The following ANO5 variants were observed in gnomAD, a reference collection of about 807,000 sequenced individuals.
ANO5 encodes anoctamin 5.
In ANO5, 109 loss-of-function variants were observed where a neutral mutation model predicts 121.0. The ratio of observed to expected loss-of-function variants is 0.90; its 90% CI spans 0.77 to 1.06. The LOEUF is 1.06. Among genes scored for constraint, ANO5 ranks in the 50% least tolerant of loss-of-function variants. The probability of loss-of-function intolerance (pLI) is 0.00; values close to 1 mark genes in which losing one functional copy is unlikely to be tolerated. For synonymous variants in ANO5, 406 were observed against 359.9 expected (o/e 1.13, Z -1.45); for missense variants, 1,064 against 1,078.5 (o/e 0.99, Z 0.19).
chr11:22,244,955 A>G (rs1853569710), intron 9 of ANO5, among the ~76,000 whole-genome samples: 1 of 152,112 alleles, frequency 6.6e-6, no homozygotes, highest in Non-Finnish European at 1.5e-5. Context: ...TTGAATTTCC[A>G]GAGTTCTTGC....
At chr11:22,202,485 C>A (rs1851995061) in intron 1 of ANO5, among the ~76,000 whole-genome samples, 1 of 151,826 alleles carries the variant, frequency 6.6e-6, no homozygotes, top group Non-Finnish European at 1.5e-5. Flanking sequence ...TATACAATTG[C>A]TTTATTTTAT....
At chr11:22,193,570 C>A in intron 1 of ANO5, 38 bp downstream of exon 1, 1 of 1,603,446 alleles carries the variant, frequency 6.2e-7, no homozygotes, top group Non-Finnish European at 8.5e-7. Context: ...GAGAGCCAGG[C>A]TGGCTGCCTG....
chr11:22,213,082 A>G (rs1852332000), intron 3 of ANO5, among the ~76,000 whole-genome samples: 1 of 151,368 alleles, frequency 6.6e-6, no homozygotes, highest in South Asian at 2.1e-4. Context: ...ATTTTATTAT[A>G]AATCTATTTA....
At chr11:22,214,578 C>T (rs1032630160) in intron 3 of ANO5, among the ~76,000 whole-genome samples, 4 of 151,884 alleles carry the variant, frequency 2.6e-5, no homozygotes, top group Non-Finnish European at 5.9e-5. Flanking sequence ...GTAAGGAGAA[C>T]TTACTGGAAC....
chr11:22,273,040 G>A, intron 19 of ANO5, 51 bp downstream of exon 19: 1 of 1,509,714 alleles, frequency 6.6e-7, no homozygotes. Context: ...TTTGGGGGGT[G>A]TGGGGAGATG....
At position 22,236,276 on chromosome 11, in the gene ANO5, T is replaced by G; in HGVS notation, c.762T>G (p.Asp254Glu). ...NTYSSAYPLH[D>E]GQYWKPSEPP... ...ACTCATCTGCCTATCCACTCCATGA[T>G]GTATGTATAGGTTTGATTGTGAAAA... The change falls in exon 8 of 22, where the codon GAT becomes GAG. Residue 254 changes from aspartate (D) to glutamate (E), a missense_variant and splice_region_variant. Physicochemically the swap from Asp to Glu is conservative, Grantham distance 45 (BLOSUM62 2). Coordinates refer to ENST00000324559, the MANE Select transcript of ANO5 (RefSeq NM_213599.3). 1.9e-6 allele frequency: 3 copies of G among 1,600,142 alleles called. No individual in the cohort carries two copies. The highest frequency in any genetic ancestry group is 2.6e-6 in the Non-Finnish European group (3 of 1,167,684).
At chr11:22,271,001 A>G (rs1456383397) in intron 18 of ANO5, among the ~76,000 whole-genome samples, 1 of 152,076 alleles carries the variant, frequency 6.6e-6, no homozygotes, top group Non-Finnish European at 1.5e-5. Context: ...AACTGCTTAT[A>G]TGGTCTGCTC....
At chr11:22,238,633 T>G (rs1182721653) in intron 8 of ANO5, among the ~76,000 whole-genome samples, 1 of 152,102 alleles carries the variant, frequency 6.6e-6, no homozygotes, top group Non-Finnish European at 1.5e-5. Context: ...TCAGTTGGAT[T>G]ACCTACAGAA....
chr11:22,272,347 G>C (rs894153824), intron 18 of ANO5, among the ~76,000 whole-genome samples: 1 of 71,174 alleles, frequency 1.4e-5, no homozygotes, highest in East Asian at 4.9e-4. Context: ...CACACACACA[G>C]CTGGCTGCTG....
intron 2 of ANO5, among the ~76,000 whole-genome samples, chr11:22,208,700 C>T (rs1322007326): frequency 6.6e-6 from 1 of 151,874 alleles, no homozygotes; most frequent in Non-Finnish European, 1.5e-5. Context: ...TGATATTTTA[C>T]TGTGGTTATG....
intron 4 of ANO5, among the ~76,000 whole-genome samples, 165 bp from the exon 5 acceptor site, chr11:22,220,932 T>G (rs759741165): frequency 5.9e-5 from 9 of 152,012 alleles, no homozygotes; most frequent in Non-Finnish European, 1.3e-4. Flanking sequence ...CATTATTGCT[T>G]AATCTTTTAT....
At position 22,281,964 on chromosome 11, in the gene ANO5, T is replaced by C. The variant is rs1855097250; in HGVS notation, c.*2199T>C. The C allele has an allele frequency of 6.6e-6, 1 of 152,168 alleles. No homozygotes were observed. The highest frequency in any genetic ancestry group is 1.5e-5 in the Non-Finnish European group (1 of 67,988). The allele number at this position is 152,168 out of a possible 1,614,324, so 9.4% of individuals were successfully genotyped here. ...AATTTCTTATCAAGAAGTTTATCTT[T>C]GTTTTTCAGATTTAAAAATGAAATA... On this transcript the variant is annotated 3_prime_UTR_variant, in exon 22 of 22. Transcript: ENST00000324559.
intron 17 of ANO5, among the ~76,000 whole-genome samples, chr11:22,269,333 GAGAAGGAA>G (rs1564948305): frequency 3.5e-5 from 4 of 113,334 alleles, no homozygotes; most frequent in African/African-American, 1.5e-4. Flanking sequence ...AAAAAAGAAA[GAGAAGGAA>G]AAGGGAAGGG....
chr11:22,209,890 C>A (rs1330063031), intron 2 of ANO5, among the ~76,000 whole-genome samples: 1 of 151,766 alleles, frequency 6.6e-6, no homozygotes, highest in Non-Finnish European at 1.5e-5. Flanking sequence ...ACTAACATTT[C>A]TCTAGGATAA....
At position 22,276,919 on chromosome 11, in the gene ANO5, GT is replaced by G. The variant is rs147267848; in HGVS notation, c.2520+729del. On this transcript the variant is annotated intron_variant, in intron 21 of 21. Transcript: ENST00000324559. ...GAACATGCCATTCCAACCAGTTTCTGTTTTTTTTTATTGTTATCAAGGTTTC... is the reference window on the plus strand; with the variant it reads ...GAACATGCCATTCCAACCAGTTTCTGTTTTTTTTATTGTTATCAAGGTTTC... Among the ~76,000 whole-genome samples, 14 of 150,050 alleles carry G rather than the reference GT, an allele frequency of 9.3e-5. No individual in the cohort carries two copies. In the East Asian group the frequency reaches 2.5e-3, roughly 27 times the overall value.
chr11:22,217,755 A>G (rs1338158801), intron 3 of ANO5, among the ~76,000 whole-genome samples: 2 of 151,876 alleles, frequency 1.3e-5, no homozygotes, highest in African/African-American at 2.4e-5. Flanking sequence ...CATAGAAGGA[A>G]ATAACAAATG....
rs768691315 is a variant in ANO5 at position 22,272,779 on chromosome 11, T to TAC, written c.2030-3_2030-2dup. 35 of 1,613,048 alleles carry TAC rather than the reference T, an allele frequency of 2.2e-5. No individual in the cohort carries two copies. The highest frequency in any genetic ancestry group is 1.7e-4 in the Middle Eastern group (1 of 6,050). Reference sequence around the variant, plus strand: ...TGAGTTCATGCCTTTTTCTTTTCTCTACAGTTACTCAATTTGGATTTGTTA... The same window carrying TAC: ...TGAGTTCATGCCTTTTTCTTTTCTCTACACAGTTACTCAATTTGGATTTGTTA... On this transcript the variant is annotated splice_region_variant and splice_polypyrimidine_tract_variant and intron_variant, in intron 18 of 21. Coordinates refer to ENST00000324559, the MANE Select transcript of ANO5 (RefSeq NM_213599.3).
At chr11:22,204,046 G>T (rs1262634756) in intron 2 of ANO5, among the ~76,000 whole-genome samples, 196 bp downstream of exon 2, 1 of 151,974 alleles carries the variant, frequency 6.6e-6, no homozygotes, top group African/African-American at 2.4e-5. Flanking sequence ...TGTTATAAGG[G>T]AACAAATAGA....
At chr11:22,222,685 C>T (rs1852693994) in intron 5 of ANO5, among the ~76,000 whole-genome samples, 1 of 143,854 alleles carries the variant, frequency 7.0e-6, no homozygotes, top group Non-Finnish European at 1.5e-5. Flanking sequence ...GCCCCTCTCC[C>T]AGTTGTACTT....
Sources: allele counts gnomAD v4.1 joint callset (sites outside exome capture counted in the v4.1 genomes callset), GRCh38; gene constraint gnomAD v4.1.1; transcripts MANE v1.5; gene names NCBI Gene and HGNC (gene_info 2026-07-23, HGNC 2026-07-21).